The following ARSB variants were observed in gnomAD, a reference collection of about 807,000 sequenced individuals.
ARSB encodes the protein N-acetylgalactosamine-4-sulfatase.
ARSB carries 41 observed loss-of-function variants against 50.9 expected under a neutral mutation model. The observed-to-expected ratio is 0.81, with a 90% CI of 0.63 to 1.04. The LOEUF is 1.04. Ranked by LOEUF, ARSB falls within the 50% of genes least tolerant of loss-of-function variation. The pLI, the probability that ARSB is intolerant of heterozygous loss-of-function variation, is 0.00. For synonymous variants in ARSB, 269 were observed against 284.8 expected (o/e 0.94, Z 0.56); for missense variants, 672 against 693.3 (o/e 0.97, Z 0.35).
chr5:78,985,677 AT>A (rs1178679659), upstream of ARSB: 1 of 153,302 alleles, frequency 6.5e-6, no homozygotes, highest in African/African-American at 2.4e-5. Flanking sequence ...ATTAGTGCCA[AT>A]TTTTCATAAG....
At position 78,780,465 on chromosome 5, in the gene ARSB, CG is replaced by C. The variant is rs758712442; in HGVS notation, c.1533del (p.Val512CysfsTer62). On this transcript the variant is annotated frameshift_variant, in exon 8 of 8. Coordinates refer to ENST00000264914, the MANE Select transcript of ARSB (RefSeq NM_000046.5). LOFTEE classifies it high-confidence loss of function. ...RLQFYHKHSV[P>X]VYFPAQDPRC... ...CGGGGGTCCTGTGCAGGGAAGTACA[CG>C]GGGACTGAGTGTTTATGGTAGAACT... The C allele has an allele frequency of 6.2e-7, 1 of 1,613,972 alleles. No homozygotes were observed. The highest frequency in any genetic ancestry group is 2.2e-5 in the East Asian group (1 of 44,892).
At chr5:78,838,825 A>T (rs539732769) in intron 6 of ARSB, among the ~76,000 whole-genome samples, 1 of 150,950 alleles carries the variant, frequency 6.6e-6, no homozygotes, top group Non-Finnish European at 1.5e-5. Flanking sequence ...AGGTTAATTT[A>T]GGCAGGAGGC....
intron 4 of ARSB, among the ~76,000 whole-genome samples, chr5:78,899,175 G>A (rs907105693): frequency 2.6e-5 from 4 of 152,032 alleles, no homozygotes; most frequent in Non-Finnish European, 5.9e-5. Context: ...AGAGTAATCC[G>A]TTGCCACATG....
chr5:78,843,853 A>C (rs943059368), intron 5 of ARSB, among the ~76,000 whole-genome samples: 4 of 152,224 alleles, frequency 2.6e-5, no homozygotes, highest in African/African-American at 7.2e-5. Flanking sequence ...AATGTTTTCA[A>C]GGATCATCAA....
At chr5:78,790,973 C>T (rs1749219255) in intron 6 of ARSB, among the ~76,000 whole-genome samples, 2 of 152,148 alleles carry the variant, frequency 1.3e-5, no homozygotes, top group Admixed American at 1.3e-4. Flanking sequence ...TAGTCTGTAG[C>T]CCCTTTTCTG....
chr5:78,797,358 C>T (rs191930607), intron 6 of ARSB, among the ~76,000 whole-genome samples: 4 of 152,316 alleles, frequency 2.6e-5, no homozygotes, highest in Admixed American at 2.0e-4. Flanking sequence ...CCCAACATTT[C>T]GCTGGGTATT....
chr5:78,780,227 T>G lies in ARSB; in HGVS notation c.*170A>C. On this transcript the variant is annotated 3_prime_UTR_variant, in exon 8 of 8. Coordinates refer to ENST00000264914, the MANE Select transcript of ARSB (RefSeq NM_000046.5). ...GCCAACAGCAGGAGTGTTGCAGATT[T>G]TATCAGCTTCTTAAATGCATTAGGG... 1.2e-6 allele frequency: 1 copy of G among 860,340 alleles called. No individual in the cohort carries two copies. Among genetic ancestry groups the G allele is most frequent in the Non-Finnish European group, 1.8e-6 (1 of 550,114 alleles). 53.3% of individuals were successfully genotyped at this position (860,340 alleles called of 1,614,324 possible). A position where few individuals can be genotyped will look rare whatever the true frequency, so the allele number is the denominator to read the frequency against.
chr5:78,810,269 G>A (rs527699765), intron 6 of ARSB, among the ~76,000 whole-genome samples: 52 of 152,204 alleles, frequency 3.4e-4, no homozygotes, highest in Non-Finnish European at 6.2e-4. Context: ...TTAAGTGCAT[G>A]TCCAAAACCA....
At chr5:78,978,790 T>C (rs1337015966) in intron 1 of ARSB, among the ~76,000 whole-genome samples, 1 of 152,184 alleles carries the variant, frequency 6.6e-6, no homozygotes, top group Non-Finnish European at 1.5e-5. Flanking sequence ...TTTGGACACC[T>C]ACATGCATCC....
intron 4 of ARSB, among the ~76,000 whole-genome samples, chr5:78,894,255 T>C (rs893907644): frequency 5.9e-5 from 9 of 152,228 alleles, no homozygotes; most frequent in Admixed American, 5.9e-4. Context: ...GATGGAAATT[T>C]ATGTCAATGT....
At chr5:78,858,486 C>T (rs1296535924) in intron 5 of ARSB, among the ~76,000 whole-genome samples, 2 of 152,088 alleles carry the variant, frequency 1.3e-5, no homozygotes, top group African/African-American at 4.8e-5. Context: ...CAGCACTGTC[C>T]ATTTATAAAT....
chr5:78,951,778 C>G (rs1751502956), intron 4 of ARSB, among the ~76,000 whole-genome samples: 1 of 152,108 alleles, frequency 6.6e-6, no homozygotes. Context: ...TTAAATGCCT[C>G]CACAAAAGGC....
chr5:78,806,475 T>C (rs1026315471), intron 6 of ARSB, among the ~76,000 whole-genome samples: 2 of 152,232 alleles, frequency 1.3e-5, no homozygotes, highest in Admixed American at 6.5e-5. Flanking sequence ...CTGGCACTTC[T>C]CATCTGGATA....
chr5:78,816,695 A>T (rs1318654537), intron 6 of ARSB, among the ~76,000 whole-genome samples: 1 of 152,206 alleles, frequency 6.6e-6, no homozygotes, highest in Non-Finnish European at 1.5e-5. Context: ...AGAGATTCTA[A>T]TTGTGAGAGG....
intron 5 of ARSB, among the ~76,000 whole-genome samples, chr5:78,844,808 T>A (rs1302433192): frequency 6.6e-6 from 1 of 152,154 alleles, no homozygotes; most frequent in Non-Finnish European, 1.5e-5. Flanking sequence ...TCAATATATG[T>A]GTACAATGTG....
chr5:78,885,191 C>A, intron 5 of ARSB: 1 of 250,756 alleles, frequency 4.0e-6, no homozygotes, highest in Non-Finnish European at 7.6e-6. Context: ...TGGAAATAAA[C>A]ATATCCCTAG....
chr5:78,905,898 G>T (rs1749039331), intron 4 of ARSB, among the ~76,000 whole-genome samples: 2 of 133,370 alleles, frequency 1.5e-5, no homozygotes, highest in African/African-American at 3.0e-5. Flanking sequence ...GTTGCCTTTG[G>T]GAGCAAAGTA....
chr5:78,917,902 A>T (rs1749632971), intron 4 of ARSB, among the ~76,000 whole-genome samples: 1 of 152,220 alleles, frequency 6.6e-6, no homozygotes, highest in Non-Finnish European at 1.5e-5. Context: ...TTTGGCCACC[A>T]TCAGTTAATT....
rs1411388855 is a variant in ARSB, at chr5:78,982,221, C to A, written c.312+2716G>T. ...TACAGGCGTGAGCCACCGCGCCCGG[C>A]CAGATATGACTCTTAACAACTTCCT... On this transcript the variant is annotated intron_variant, in intron 1 of 7. Transcript: ENST00000264914. 7.2e-5 allele frequency among the ~76,000 whole-genome samples: 2 copies of A among 27,674 alleles called. 1 individual carries two copies. The highest frequency in any genetic ancestry group is 1.9e-4 in the Non-Finnish European group (2 of 10,550). The allele number at this position is 27,674 out of a possible 152,430, so 18.2% of individuals were successfully genotyped here.
Sources: allele counts gnomAD v4.1 joint callset (sites outside exome capture counted in the v4.1 genomes callset), GRCh38; gene constraint gnomAD v4.1.1; transcripts MANE v1.5; gene names NCBI Gene and HGNC (gene_info 2026-07-23, HGNC 2026-07-21).